Variants in KIDINS220 observed in about 807,000 individuals in gnomAD.
The protein encoded by KIDINS220 is kinase D-interacting substrate of 220 kDa.
KIDINS220 carries 63 observed loss-of-function variants against 157.6 expected under a neutral mutation model. That is an observed-to-expected ratio of 0.40 (90% confidence interval 0.33 to 0.49). The LOEUF (loss-of-function observed/expected upper bound fraction) is 0.49, where lower values mean the gene tolerates loss of function less well. Ranked by LOEUF, KIDINS220 falls within the 20% of genes least tolerant of loss-of-function variation. KIDINS220 has a pLI of 0.66. For missense variants in KIDINS220, 1,772 were observed against 2,171.2 expected (o/e 0.82, Z 3.65); for synonymous variants, 732 against 783.6 (o/e 0.93, Z 1.10).
intron 1 of KIDINS220, among the ~76,000 whole-genome samples, chr2:8,828,871 G>A (rs546259929): frequency 1.3e-4 from 20 of 152,266 alleles, no homozygotes; most frequent in East Asian, 9.6e-4. Context: ...TGATTCTTGC[G>A]TTTCCCAGGT....
intron 17 of KIDINS220, among the ~76,000 whole-genome samples, 181 bp downstream of exon 17, chr2:8,785,560 C>T (rs934961311): frequency 4.0e-5 from 6 of 151,892 alleles, no homozygotes; most frequent in African/African-American, 1.2e-4. Flanking sequence ...TAAATTTTAC[C>T]GTGAACTTAA....
Position 8,731,307 on chromosome 2 carries a change from G to A in KIDINS220, c.4729C>T (p.Leu1577Phe). The change falls in exon 30 of 30, where the codon CTC becomes TTC. Residue 1577 changes from leucine (L) to phenylalanine (F), a missense_variant. By Grantham distance (22) the Leu-to-Phe change is conservative (BLOSUM62 0). Transcript: ENST00000256707. The surrounding 1 kb of genome is among the most constrained non-coding windows in gnomAD (Gnocchi z 5.2). ...IKAKEYLSDALLDKKDSSDSG... is the reference protein window; with the variant it reads ...IKAKEYLSDAFLDKKDSSDSG... ...TCCGATGAATCCTTTTTGTCAAGGA[G>A]CGCATCCGATAAATACTCTTTGGCT... 1 of 1,614,142 alleles carries A rather than the reference G, an allele frequency of 6.2e-7. No homozygotes were observed. Among genetic ancestry groups the A allele is most frequent in the African/African-American group, 1.3e-5 (1 of 75,066 alleles).
intron 25 of KIDINS220, 161 bp downstream of exon 25, chr2:8,747,725 GA>G (rs1235870501): frequency 4.8e-6 from 2 of 413,008 alleles, no homozygotes; most frequent in African/African-American, 4.1e-5. Context: ...ATATTTACCA[GA>G]AATGAAAATA....
chr2:8,737,028 T>G (rs987291053), intron 26 of KIDINS220, 29 bp from the exon 27 acceptor site: 1 of 1,610,928 alleles, frequency 6.2e-7, no homozygotes, highest in Non-Finnish European at 8.5e-7. Flanking sequence ...AATACAGGTA[T>G]GAATAAGCAT....
rs1666804855 is a variant in KIDINS220 at position 8,747,891 on chromosome 2, C to T, written c.3524G>A (p.Gly1175Asp). 1 of 1,578,326 alleles carries T rather than the reference C, an allele frequency of 6.3e-7. No homozygotes were observed. ...KTSLPRDQNNGLEVIKEDAAE... is the reference protein window; with the variant it reads ...KTSLPRDQNNDLEVIKEDAAE... ...GTTACCCTTTTATATACTTACTAGG[C>T]CATTGTTCTGATCTCTGGGCAAACT... The change falls in exon 25 of 30, where the codon GGC (glycine) becomes GAC (aspartate). Residue 1175 changes from glycine to aspartate, a missense_variant. Transcript: ENST00000256707.
In KIDINS220 at chr2:8,816,498, G is replaced by A. The variant is rs138850325; in HGVS notation, c.306+1120C>T. Among the ~76,000 whole-genome samples the A allele has an allele frequency of 6.8e-4, 103 of 152,278 alleles. 1 individual carries two copies. The highest frequency in any genetic ancestry group is 2.2e-3 in the African/African-American group (93 of 41,554). ...TAAAGCACCTAAAGAAGCCAGGCAC[G>A]GAATAACTGGTATGGTACCTATTGG... is the stretch of plus-strand genomic sequence containing the variant. On this transcript the variant is annotated intron_variant, in intron 4 of 29. Coordinates refer to ENST00000256707, the MANE Select transcript of KIDINS220 (RefSeq NM_020738.4).
chr2:8,780,599 A>C (rs1671575910), intron 17 of KIDINS220, among the ~76,000 whole-genome samples: 1 of 151,574 alleles, frequency 6.6e-6, no homozygotes, highest in Non-Finnish European at 1.5e-5. Context: ...TATAAATGTA[A>C]ATGAAATTAG....
intron 22 of KIDINS220, among the ~76,000 whole-genome samples, chr2:8,758,151 C>G (rs1278541340): frequency 1.3e-5 from 2 of 152,248 alleles, no homozygotes; most frequent in African/African-American, 2.4e-5. Context: ...GCGTGAGCCA[C>G]TGCGCCCAGC....
chr2:8,749,452 A>G (rs1161275521), intron 24 of KIDINS220: 4 of 455,348 alleles, frequency 8.8e-6, no homozygotes, highest in Admixed American at 7.1e-5. Context: ...TGAGGTCATT[A>G]AAGTGAGAAT....
chr2:8,803,162 C>A, intron 7 of KIDINS220, 35 bp from the exon 8 acceptor site: 5 of 1,476,574 alleles, frequency 3.4e-6, no homozygotes, highest in Non-Finnish European at 4.6e-6. Context: ...AAACAAAACG[C>A]AAGCCCAAGA....
chr2:8,789,893 T>C lies in KIDINS220; in HGVS notation c.1608A>G (p.Leu536=), dbSNP rs752990204. The part of the protein sequence containing the change: ...IAVSLSFLAL[L]YIFFIVIYFG... ...GCAAAGACTTACTAAAGAATATATATAAGAGAGCCAAGAAGCTCAGTGACA... is the reference window on the plus strand; with the variant it reads ...GCAAAGACTTACTAAAGAATATATACAAGAGAGCCAAGAAGCTCAGTGACA... Residue 536 remains leucine (L), a synonymous_variant, in exon 14 of 30, where the codon TTA becomes TTG. Coordinates refer to ENST00000256707, the MANE Select transcript of KIDINS220 (RefSeq NM_020738.4). The C allele has an allele frequency of 2.5e-6, 4 of 1,607,962 alleles. No individual in the cohort carries two copies. In the African/African-American group the frequency reaches 4.0e-5, roughly 16 times the overall value.
intron 11 of KIDINS220, among the ~76,000 whole-genome samples, chr2:8,794,650 C>T (rs1271757676): frequency 2.6e-5 from 4 of 152,174 alleles, no homozygotes; most frequent in African/African-American, 9.7e-5. Flanking sequence ...TTATTAGCAT[C>T]TCCAATCACA....
At chr2:8,797,543 G>A (rs1212170435) in intron 10 of KIDINS220, among the ~76,000 whole-genome samples, 2 of 152,188 alleles carry the variant, frequency 1.3e-5, no homozygotes, top group Non-Finnish European at 2.9e-5. Flanking sequence ...GGTACTGGAA[G>A]TACCATCACT....
At chr2:8,821,604 T>A (rs1054295129) in intron 2 of KIDINS220, among the ~76,000 whole-genome samples, 1 of 152,238 alleles carries the variant, frequency 6.6e-6, no homozygotes, top group Non-Finnish European at 1.5e-5. Flanking sequence ...AAATGGCTCA[T>A]CTAGCTTGTC....
intron 22 of KIDINS220, among the ~76,000 whole-genome samples, chr2:8,756,857 C>T (rs1012644066): frequency 2.1e-4 from 32 of 152,298 alleles, no homozygotes; most frequent in Admixed American, 2.0e-3. Flanking sequence ...CACAAACATT[C>T]GTACATAGCA....
At position 8,809,516 on chromosome 2, in the gene KIDINS220, A is replaced by G. The variant is rs576052282; in HGVS notation, c.504+2879T>C. Among the ~76,000 whole-genome samples, 16 of 151,758 alleles carry G rather than the reference A, an allele frequency of 1.1e-4. No homozygotes were observed. The South Asian group carries it at 3.1e-3, about 30-fold the overall frequency. On this transcript the variant is annotated intron_variant, in intron 6 of 29. Coordinates refer to ENST00000256707, the MANE Select transcript of KIDINS220 (RefSeq NM_020738.4). ...TATGTATTATAATTAAGAAAATAAT[A>G]ATTATTATTCCTAATAATCAGCCCT...
chr2:8,811,496 G>GT (rs1373908106), intron 6 of KIDINS220, among the ~76,000 whole-genome samples: 1 of 152,146 alleles, frequency 6.6e-6, no homozygotes, highest in Admixed American at 6.5e-5. Context: ...ATAAACAGGA[G>GT]TTCATCAGGC....
intron 22 of KIDINS220, among the ~76,000 whole-genome samples, chr2:8,765,175 A>G (rs2148131202): frequency 6.6e-6 from 1 of 152,360 alleles, no homozygotes; most frequent in Non-Finnish European, 1.5e-5. Context: ...TGCGAACTCC[A>G]GCAGAAACCT....
intron 17 of KIDINS220, among the ~76,000 whole-genome samples, chr2:8,785,018 G>T (rs1023433514): frequency 1.1e-4 from 17 of 152,280 alleles, no homozygotes; most frequent in African/African-American, 3.6e-4. Flanking sequence ...TCCTTCAGTA[G>T]ATAAATGTAT....
Sources: gnomAD v4.1 joint callset for allele counts (sites outside exome capture counted in the v4.1 genomes callset) on GRCh38, gnomAD v4.1.1 for gene constraint, Gnocchi (gnomAD v3.1) non-coding constraint, MANE v1.5 for transcripts, NCBI Gene and HGNC (gene_info 2026-07-23, HGNC 2026-07-21) for gene names.